Variants in EXOC6B observed in about 807,000 individuals in gnomAD.
EXOC6B encodes the protein exocyst complex component 6B.
Under a neutral mutation model 113.5 loss-of-function variants are expected in EXOC6B, and 54 were observed. That is an observed-to-expected ratio of 0.48 (90% CI 0.38 to 0.60). EXOC6B has a LOEUF of 0.60. Ranked by LOEUF, EXOC6B falls within the 20% of genes least tolerant of loss-of-function variation. The probability of loss-of-function intolerance (pLI) is 0.00; values close to 1 mark genes in which losing one functional copy is unlikely to be tolerated. For missense variants in EXOC6B, 797 were observed against 977.5 expected (o/e 0.82, Z 2.46); for synonymous variants, 357 against 339.0 (o/e 1.05, Z -0.58).
intron 20 of EXOC6B, among the ~76,000 whole-genome samples, chr2:72,317,545 C>T (rs1219024993): frequency 6.9e-6 from 1 of 143,932 alleles, no homozygotes; most frequent in Non-Finnish European, 1.5e-5. Context: ...CACAGGGAAG[C>T]ATGTATGAAC....
intron 18 of EXOC6B, among the ~76,000 whole-genome samples, chr2:72,455,262 G>T (rs1697153202): frequency 6.6e-6 from 1 of 152,078 alleles, no homozygotes. Flanking sequence ...TTCCACATAA[G>T]GTGTCAAAGA....
chr2:72,505,682 T>G (rs982707681), intron 11 of EXOC6B, among the ~76,000 whole-genome samples: 2 of 152,080 alleles, frequency 1.3e-5, no homozygotes, highest in African/African-American at 4.8e-5. Context: ...ATGAACATGG[T>G]TCATTTTTAC....
chr2:72,563,548 CA>C (rs1366926941), intron 7 of EXOC6B, among the ~76,000 whole-genome samples: 13 of 151,818 alleles, frequency 8.6e-5, no homozygotes, highest in Non-Finnish European at 1.5e-5. Flanking sequence ...GAGGATGTTA[CA>C]AAATAAATAT....
At chr2:72,319,754 G>A (rs901057445) in intron 20 of EXOC6B, among the ~76,000 whole-genome samples, 24 of 151,874 alleles carry the variant, frequency 1.6e-4, no homozygotes, top group African/African-American at 5.5e-4. Context: ...CTGTGTTCGT[G>A]GATTAGAAGA....
At chr2:72,489,896 T>C (rs183466104) in intron 16 of EXOC6B, among the ~76,000 whole-genome samples, 7 of 152,080 alleles carry the variant, frequency 4.6e-5, no homozygotes, top group Admixed American at 2.6e-4. Context: ...ATAGAGCATA[T>C]GCATAGAAAA....
At chr2:72,460,591 G>A (rs1395534485) in intron 18 of EXOC6B, among the ~76,000 whole-genome samples, 1 of 152,214 alleles carries the variant, frequency 6.6e-6, no homozygotes, top group East Asian at 1.9e-4. Context: ...TATGCAGCCA[G>A]AAAACACATG....
chr2:72,291,878 C>T (rs1304091960), intron 20 of EXOC6B, among the ~76,000 whole-genome samples: 3 of 152,118 alleles, frequency 2.0e-5, no homozygotes, highest in South Asian at 2.1e-4. Flanking sequence ...AAAGTTAAAA[C>T]GCTTAACAGT....
At chr2:72,693,847 T>C (rs1293482393) in intron 6 of EXOC6B, among the ~76,000 whole-genome samples, 1 of 152,086 alleles carries the variant, frequency 6.6e-6, no homozygotes, top group East Asian at 1.9e-4. Context: ...CTTTTTTCTT[T>C]TTTTTTTTCC....
chr2:72,674,483 T>C (rs1171213161), intron 6 of EXOC6B, among the ~76,000 whole-genome samples: 2 of 152,252 alleles, frequency 1.3e-5, no homozygotes, highest in African/African-American at 4.8e-5. Context: ...CTACATATTT[T>C]CATTTACTAC....
chr2:72,411,216 A>C (rs567664126), intron 18 of EXOC6B, among the ~76,000 whole-genome samples: 4 of 152,274 alleles, frequency 2.6e-5, no homozygotes, highest in Non-Finnish European at 4.4e-5. Context: ...TGCCTCAAAA[A>C]ACAAATAAAC....
intron 18 of EXOC6B, among the ~76,000 whole-genome samples, chr2:72,433,869 T>A (rs1350594781): frequency 2.6e-5 from 4 of 152,182 alleles, no homozygotes; most frequent in South Asian, 2.1e-4. Flanking sequence ...TCTGACTTCC[T>A]CTCTTCCTAT....
intron 18 of EXOC6B, among the ~76,000 whole-genome samples, chr2:72,413,516 C>T (rs1020540899): frequency 6.6e-6 from 1 of 150,896 alleles, no homozygotes; most frequent in Non-Finnish European, 1.5e-5. Context: ...AACCCAATCT[C>T]TACTAAAAAT....
intron 19 of EXOC6B, among the ~76,000 whole-genome samples, chr2:72,361,323 T>C (rs1690302313): frequency 6.6e-6 from 1 of 152,138 alleles, no homozygotes; most frequent in South Asian, 2.1e-4. Flanking sequence ...CTTTCACAGT[T>C]TGCTGATGTA....
intron 18 of EXOC6B, among the ~76,000 whole-genome samples, chr2:72,440,276 A>G (rs2105328172): frequency 6.6e-6 from 1 of 152,328 alleles, no homozygotes; most frequent in East Asian, 1.9e-4. Flanking sequence ...TGAAAAAGAA[A>G]AAATGTTAAG....
chr2:72,315,319 G>A (rs1204105663), intron 20 of EXOC6B, among the ~76,000 whole-genome samples: 1 of 151,764 alleles, frequency 6.6e-6, no homozygotes, highest in Non-Finnish European at 1.5e-5. Context: ...GGAAAAAGTA[G>A]TCACAGAGTT....
chr2:72,554,678 C>G (rs1372307144), intron 8 of EXOC6B, among the ~76,000 whole-genome samples: 2 of 152,254 alleles, frequency 1.3e-5, no homozygotes, highest in African/African-American at 2.4e-5. Flanking sequence ...TTATAATTAC[C>G]CAGTCTCAGG....
At chr2:72,798,988 C>T (rs183587273) in intron 1 of EXOC6B, among the ~76,000 whole-genome samples, 33 of 152,098 alleles carry the variant, frequency 2.2e-4, no homozygotes, top group Non-Finnish European at 3.5e-4. Flanking sequence ...CCTGTAATCC[C>T]AGCACCTTAG....
At chr2:72,744,558 C>T (rs191529704) in intron 1 of EXOC6B, among the ~76,000 whole-genome samples, 71 of 152,270 alleles carry the variant, frequency 4.7e-4, no homozygotes, top group Non-Finnish European at 8.7e-4. Flanking sequence ...TACTGATTTA[C>T]CTTGACACTT....
intron 6 of EXOC6B, among the ~76,000 whole-genome samples, chr2:72,700,015 T>C (rs375565689): frequency 5.3e-5 from 8 of 152,190 alleles, no homozygotes; most frequent in African/African-American, 1.9e-4. Context: ...ATGTACATCC[T>C]CCTTTATATT....
Sources: gnomAD v4.1 joint callset for allele counts (sites outside exome capture counted in the v4.1 genomes callset) on GRCh38, gnomAD v4.1.1 for gene constraint, MANE v1.5 for transcripts, NCBI Gene and HGNC (gene_info 2026-07-23, HGNC 2026-07-21) for gene names.